Variants in NRCAM observed in about 807,000 individuals in gnomAD.
The protein encoded by NRCAM is neuronal cell adhesion molecule.
A neutral mutation model predicts 156.5 loss-of-function variants in NRCAM; 83 were observed. That is an observed-to-expected ratio of 0.53 (90% CI 0.44 to 0.64). The LOEUF is 0.64. Ranked by LOEUF, NRCAM falls within the 30% of genes least tolerant of loss-of-function variation. The pLI is 0.00. For missense variants in NRCAM, 1,417 were observed against 1,597.3 expected (o/e 0.89, Z 1.92); for synonymous variants, 538 against 563.9 (o/e 0.95, Z 0.65).
intron 3 of NRCAM, among the ~76,000 whole-genome samples, chr7:108,302,152 T>C (rs993692336): frequency 2.0e-5 from 3 of 152,098 alleles, no homozygotes; most frequent in Non-Finnish European, 2.9e-5. Flanking sequence ...TGACATATTG[T>C]TCCGTGTTAT....
At chr7:108,210,241 A>AT (rs2083366444) in intron 11 of NRCAM, among the ~76,000 whole-genome samples, 5 of 150,170 alleles carry the variant, frequency 3.3e-5, no homozygotes, top group African/African-American at 1.2e-4. Flanking sequence ...TTGTCACCCA[A>AT]TGTTTTGTTT....
intron 3 of NRCAM, among the ~76,000 whole-genome samples, chr7:108,244,160 G>A (rs1482882165): frequency 6.6e-6 from 1 of 151,954 alleles, no homozygotes; most frequent in Admixed American, 6.6e-5. Context: ...GAATTTGAAG[G>A]CCACGCATTA....
chr7:108,168,496 ATAGAAT>A (rs2056354784), intron 28 of NRCAM, 94 bp from the exon 29 acceptor site: 1 of 1,043,982 alleles, frequency 9.6e-7, no homozygotes, highest in Non-Finnish European at 1.2e-6. Context: ...AATTGTGCAA[ATAGAAT>A]TAAATAGAAT....
chr7:108,271,804 A>G (rs1258839675), intron 3 of NRCAM, among the ~76,000 whole-genome samples: 1 of 152,098 alleles, frequency 6.6e-6, no homozygotes, highest in African/African-American at 2.4e-5. Context: ...CTGGTATTTT[A>G]TTACTGTTAA....
chr7:108,362,680 G>C (rs988319464), intron 2 of NRCAM, among the ~76,000 whole-genome samples: 8 of 152,172 alleles, frequency 5.3e-5, no homozygotes, highest in Non-Finnish European at 7.3e-5. Flanking sequence ...CAAGAAAGGG[G>C]AAGAGGCTAG....
intron 2 of NRCAM, among the ~76,000 whole-genome samples, chr7:108,325,997 G>T (rs2099064656): frequency 6.6e-6 from 1 of 152,048 alleles, no homozygotes; most frequent in Non-Finnish European, 1.5e-5. Flanking sequence ...TTATGTACTA[G>T]TCAATCTTTA....
chr7:108,378,685 AC>A (rs2099687331), intron 2 of NRCAM, among the ~76,000 whole-genome samples: 1 of 144,440 alleles, frequency 6.9e-6, no homozygotes, highest in Non-Finnish European at 1.5e-5. Flanking sequence ...ACACACACAC[AC>A]ACAAACTCCA....
At chr7:108,323,926 TC>T (rs1202942186) in intron 2 of NRCAM, among the ~76,000 whole-genome samples, 3 of 152,046 alleles carry the variant, frequency 2.0e-5, no homozygotes, top group African/African-American at 7.2e-5. Context: ...AGGTGAAAGT[TC>T]CGGGCAAATC....
chr7:108,315,840 T>C (rs557770067), intron 2 of NRCAM, among the ~76,000 whole-genome samples: 1 of 152,356 alleles, frequency 6.6e-6, no homozygotes, highest in South Asian at 2.1e-4. Flanking sequence ...GACTGAAGAC[T>C]GATCACTCAC....
intron 3 of NRCAM, among the ~76,000 whole-genome samples, chr7:108,290,602 T>G (rs901356585): frequency 6.6e-6 from 1 of 152,200 alleles, no homozygotes; most frequent in Non-Finnish European, 1.5e-5. Context: ...TATCTAAACA[T>G]TTCCGACAGA....
Position 108,176,495 on chromosome 7 carries a change from T to A in NRCAM, c.3086A>T (p.Tyr1029Phe). 6.2e-7 allele frequency: 1 copy of A among 1,613,760 alleles called. No individual in the cohort carries two copies. Among genetic ancestry groups the A allele is most frequent in the Non-Finnish European group, 8.5e-7 (1 of 1,179,862 alleles). The part of the protein sequence containing the change: ...NFSTRYKFYF[Y>F]AQTSAGSGSQ... Reference sequence around the variant, plus strand: ...TCCTGATCCTGCTGATGTTTGTGCATAGAAATAAAACTTATATCGAGTGCT... The same window carrying A: ...TCCTGATCCTGCTGATGTTTGTGCAAAGAAATAAAACTTATATCGAGTGCT... Residue 1029 changes from tyrosine to phenylalanine, a missense_variant, in exon 27 of 33, where the codon TAT becomes TTT. This residue lies in a region of NRCAM where 1,238 missense variants were observed against 1,336.4 expected (regional missense o/e 0.93). Coordinates refer to ENST00000379028, the MANE Select transcript of NRCAM (RefSeq NM_001037132.4).
chr7:108,165,454 T>C (rs914777567), intron 30 of NRCAM, among the ~76,000 whole-genome samples: 1 of 152,218 alleles, frequency 6.6e-6, no homozygotes, highest in African/African-American at 2.4e-5. Context: ...GCTAGTCCCA[T>C]TACTATTATT....
chr7:108,280,992 T>C (rs1262995824), intron 3 of NRCAM, among the ~76,000 whole-genome samples: 2 of 152,334 alleles, frequency 1.3e-5, no homozygotes, highest in East Asian at 3.9e-4. Flanking sequence ...AGTTTTTAGA[T>C]ATGGGTTCCT....
chr7:108,186,349 C>G (rs1156799805), intron 20 of NRCAM, among the ~76,000 whole-genome samples: 2 of 152,178 alleles, frequency 1.3e-5, no homozygotes, highest in Non-Finnish European at 2.9e-5. Flanking sequence ...TTGTCCATGA[C>G]AGCATCTCAA....
At chr7:108,261,635 C>T (rs1055612201) in intron 3 of NRCAM, among the ~76,000 whole-genome samples, 1 of 152,122 alleles carries the variant, frequency 6.6e-6, no homozygotes, top group Non-Finnish European at 1.5e-5. Flanking sequence ...CCCTCGTGTG[C>T]ACCACTTCAA....
chr7:108,315,817 A>G (rs1408151721), intron 2 of NRCAM, among the ~76,000 whole-genome samples: 3 of 152,180 alleles, frequency 2.0e-5, no homozygotes, highest in African/African-American at 7.2e-5. Context: ...AAATTAACAC[A>G]TTGGTCCTTG....
intron 4 of NRCAM, 136 bp from the exon 5 acceptor site, chr7:108,237,905 T>C (rs914353354): frequency 5.8e-6 from 3 of 519,544 alleles, no homozygotes; most frequent in Non-Finnish European, 9.4e-6. Flanking sequence ...AAAACCTGTA[T>C]AGTGAAGGTT....
At chr7:108,218,835 G>A (rs1198309414) in intron 11 of NRCAM, among the ~76,000 whole-genome samples, 1 of 152,046 alleles carries the variant, frequency 6.6e-6, no homozygotes, top group Non-Finnish European at 1.5e-5. Flanking sequence ...CCCAAACCCA[G>A]CAGAAGAAAG....
intron 1 of NRCAM, among the ~76,000 whole-genome samples, chr7:108,436,029 G>C (rs1022884350): frequency 3.9e-5 from 6 of 152,238 alleles, no homozygotes; most frequent in Non-Finnish European, 8.8e-5. Context: ...AGCTACTCGG[G>C]AGGCTGAGGC....
Sources: gnomAD v4.1 joint callset for allele counts (sites outside exome capture counted in the v4.1 genomes callset) on GRCh38, gnomAD v4.1.1 for gene constraint, gnomAD v4.1.1 regional missense constraint, MANE v1.5 for transcripts, NCBI Gene and HGNC (gene_info 2026-07-23, HGNC 2026-07-21) for gene names.